The following MAPK10 variants were observed in gnomAD, a reference collection of about 807,000 sequenced individuals.
MAPK10 encodes the protein JNK3 alpha protein kinase.
MAPK10 carries 25 observed loss-of-function variants against 59.3 expected under a neutral mutation model. That is an observed-to-expected ratio of 0.42 (90% CI 0.31 to 0.59). The LOEUF (loss-of-function observed/expected upper bound fraction) is 0.59. MAPK10 is among the 20% of genes least tolerant of loss of function. MAPK10 has a pLI of 0.15. For synonymous variants in MAPK10, 190 were observed against 200.5 expected (o/e 0.95, Z 0.44); for missense variants, 351 against 568.9 (o/e 0.62, Z 3.90).
At chr4:86,162,472 T>G (rs1030867013) in intron 3 of MAPK10, among the ~76,000 whole-genome samples, 4 of 152,034 alleles carry the variant, frequency 2.6e-5, no homozygotes, top group Non-Finnish European at 5.9e-5. Flanking sequence ...GCTGGGCAGA[T>G]GTCTTTGCAG....
intron 2 of MAPK10, among the ~76,000 whole-genome samples, chr4:86,255,832 T>C (rs553126976): frequency 1.0e-3 from 154 of 152,194 alleles, no homozygotes; most frequent in Non-Finnish European, 1.8e-3. Context: ...CTTAGATATC[T>C]GTTTGTCTTA....
chr4:86,458,363 G>A (rs55730985), intron 1 of MAPK10, among the ~76,000 whole-genome samples: 3,097 of 151,814 alleles, frequency 0.02, 38 homozygotes, highest in Middle Eastern at 0.045. Flanking sequence ...TTGGGAGGCC[G>A]AGGCAGGAGA....
chr4:86,476,047 C>T (rs923138180), intron 1 of MAPK10, among the ~76,000 whole-genome samples: 6 of 152,126 alleles, frequency 3.9e-5, no homozygotes, highest in African/African-American at 9.7e-5. Flanking sequence ...AATGGGCAAA[C>T]GGTCCGAGAT....
chr4:86,044,955 G>A (rs186891342), intron 11 of MAPK10, among the ~76,000 whole-genome samples: 1 of 152,084 alleles, frequency 6.6e-6, no homozygotes, highest in Admixed American at 6.6e-5. Flanking sequence ...AATGCGAAAA[G>A]CATGGAATTA....
In MAPK10 at chr4:86,016,855, G is replaced by A. The variant is rs886059675; in HGVS notation, c.*373C>T. ...AGATAGAGACACACACATGCTGGAT[G>A]GGGCCACTGCACACCTTGTCATGCC... On this transcript the variant is annotated 3_prime_UTR_variant, in exon 14 of 14. Coordinates refer to ENST00000641462, the MANE Select transcript of MAPK10 (RefSeq NM_138982.4). 13 of 211,688 alleles carry A rather than the reference G, an allele frequency of 6.1e-5. No individual in the cohort carries two copies. The highest frequency in any genetic ancestry group is 6.8e-5 in the Non-Finnish European group (7 of 103,634). 13.1% of individuals were successfully genotyped at this position (211,688 alleles called of 1,614,324 possible). A position where few individuals can be genotyped will look rare whatever the true frequency, so the allele number is the denominator to read the frequency against.
intron 2 of MAPK10, among the ~76,000 whole-genome samples, chr4:86,245,002 T>G (rs987866474): frequency 6.7e-6 from 1 of 149,742 alleles, no homozygotes; most frequent in African/African-American, 2.6e-5. Context: ...GGTCTAGATA[T>G]GCATTTTTCT....
chr4:86,557,535 T>C (rs1054803473), intron 1 of MAPK10, among the ~76,000 whole-genome samples: 5 of 152,112 alleles, frequency 3.3e-5, no homozygotes, highest in African/African-American at 1.2e-4. Context: ...GGAAATAATA[T>C]ATCAAGAATC....
chr4:86,157,513 A>G (rs2068179772), intron 4 of MAPK10, among the ~76,000 whole-genome samples: 1 of 151,968 alleles, frequency 6.6e-6, no homozygotes, highest in African/African-American at 2.4e-5. Flanking sequence ...CACTATACTC[A>G]GGATTGCATG....
intron 9 of MAPK10, among the ~76,000 whole-genome samples, chr4:86,091,811 T>G (rs952891458): frequency 6.6e-6 from 1 of 151,916 alleles, no homozygotes; most frequent in Non-Finnish European, 1.5e-5. Flanking sequence ...GTAGCTGAGA[T>G]TACAGGCACA....
intron 2 of MAPK10, among the ~76,000 whole-genome samples, chr4:86,304,644 G>A (rs906651510): frequency 6.6e-6 from 1 of 151,228 alleles, no homozygotes; most frequent in Non-Finnish European, 1.5e-5. Flanking sequence ...CGCCCGCCTC[G>A]GCCTCCCAAA....
chr4:86,441,931 G>T (rs1749474109), intron 1 of MAPK10, among the ~76,000 whole-genome samples: 1 of 152,188 alleles, frequency 6.6e-6, no homozygotes, highest in Non-Finnish European at 1.5e-5. Context: ...CACAAAAGGG[G>T]CTGGGGGGTA....
At chr4:86,578,795 T>C (rs147434759) in intron 1 of MAPK10, among the ~76,000 whole-genome samples, 5 of 151,816 alleles carry the variant, frequency 3.3e-5, no homozygotes, top group African/African-American at 9.7e-5. Context: ...TTTGTCTTGA[T>C]TGACGTCTTG....
intron 6 of MAPK10, 111 bp from the exon 7 acceptor site, chr4:86,102,143 G>T: frequency 1.1e-6 from 1 of 924,132 alleles, no homozygotes; most frequent in Non-Finnish European, 1.7e-6. Context: ...TCTTAGCTCT[G>T]CCTTTGACTT....
chr4:86,316,729 A>G (rs2148882501), intron 2 of MAPK10, among the ~76,000 whole-genome samples: 1 of 152,268 alleles, frequency 6.6e-6, no homozygotes, highest in South Asian at 2.1e-4. Flanking sequence ...AGATTGTTCC[A>G]GGGGCTGCAA....
At chr4:86,240,834 T>G (rs1355957384) in intron 2 of MAPK10, among the ~76,000 whole-genome samples, 1 of 152,194 alleles carries the variant, frequency 6.6e-6, no homozygotes, top group Non-Finnish European at 1.5e-5. Context: ...TTTAGCCCAT[T>G]TACATTTAAA....
chr4:86,353,753 A>G (rs1390087116), intron 2 of MAPK10, among the ~76,000 whole-genome samples: 1 of 152,172 alleles, frequency 6.6e-6, no homozygotes, highest in Non-Finnish European at 1.5e-5. Context: ...AAAGATATTG[A>G]TCACTAGCTC....
intron 1 of MAPK10, among the ~76,000 whole-genome samples, chr4:86,397,002 A>G (rs373374593): frequency 1.5e-3 from 234 of 152,342 alleles, no homozygotes; most frequent in African/African-American, 5.5e-3. Flanking sequence ...TGGTTACTAG[A>G]AATTAAAATT....
intron 1 of MAPK10, among the ~76,000 whole-genome samples, chr4:86,426,955 G>GA (rs1004095538): frequency 6.9e-4 from 102 of 148,684 alleles, no homozygotes; most frequent in African/African-American, 9.4e-4. Context: ...CACTTTTTTT[G>GA]AAAAAAAAAA....
At chr4:86,188,758 T>C (rs2078914191) in intron 3 of MAPK10, among the ~76,000 whole-genome samples, 1 of 152,224 alleles carries the variant, frequency 6.6e-6, no homozygotes, top group Non-Finnish European at 1.5e-5. Context: ...CTAGATCCCA[T>C]TTGTCAATTT....
Sources: gnomAD v4.1 joint callset for allele counts (sites outside exome capture counted in the v4.1 genomes callset) on GRCh38, gnomAD v4.1.1 for gene constraint, MANE v1.5 for transcripts, NCBI Gene and HGNC (gene_info 2026-07-23, HGNC 2026-07-21) for gene names.